The following USF3 variants were observed in gnomAD, a reference collection of about 807,000 sequenced individuals.
The protein encoded by USF3 is basic helix-loop-helix domain-containing protein USF3.
Under a neutral mutation model 157.5 loss-of-function variants are expected in USF3, and 29 were observed. The observed-to-expected ratio is 0.18, with a 90% CI of 0.14 to 0.25. The LOEUF is 0.25. USF3 is among the 10% of genes least tolerant of loss of function. The probability of loss-of-function intolerance (pLI) is 1.00; values close to 1 mark genes in which losing one functional copy is unlikely to be tolerated. For missense variants in USF3, 2,381 were observed against 2,667.6 expected (o/e 0.89, Z 2.37); for synonymous variants, 893 against 941.4 (o/e 0.95, Z 0.94).
In USF3 at chr3:113,658,039, A is replaced by G. The variant is rs764562243; in HGVS notation, c.3643T>C (p.Cys1215Arg). 17 of 1,614,184 alleles carry G rather than the reference A, an allele frequency of 1.1e-5. No individual in the cohort carries two copies. The highest frequency in any genetic ancestry group is 1.4e-5 in the Non-Finnish European group (17 of 1,180,016). Residue 1215 changes from cysteine to arginine, a missense_variant, in exon 7 of 7, where the codon TGT (cysteine) becomes CGT (arginine). By Grantham distance (180) the Cys-to-Arg change is radical. This residue lies in a region of USF3 where 1,435 missense variants were observed against 1,550.9 expected (regional missense o/e 0.93). Coordinates refer to ENST00000316407, the MANE Select transcript of USF3 (RefSeq NM_001009899.4). ...TMERPLEKPS[C>R]SLGIKTSNAS... The stretch of plus-strand genomic sequence containing the variant: ...TTTGATGTTTTAATTCCTAGAGAAC[A>G]ACTTGGTTTCTCAAGGGGCCTCTCC...
At chr3:113,670,368 G>A in intron 4 of USF3, 165 bp from the exon 5 acceptor site, 1 of 596,536 alleles carries the variant, frequency 1.7e-6, no homozygotes, top group South Asian at 2.0e-5. Flanking sequence ...GGAGGCCAAG[G>A]CGGGTGGATC....
chr3:113,695,395 C>T (rs1039951733), intron 1 of USF3, among the ~76,000 whole-genome samples: 1 of 152,204 alleles, frequency 6.6e-6, no homozygotes, highest in Non-Finnish European at 1.5e-5. Flanking sequence ...GCAGGTTTGT[C>T]TGTTTGGTTT....
At chr3:113,679,116 A>G (rs1410488002) in intron 1 of USF3, among the ~76,000 whole-genome samples, 5 of 151,884 alleles carry the variant, frequency 3.3e-5, no homozygotes, top group Middle Eastern at 6.8e-3. Flanking sequence ...GGCTCCATTA[A>G]TATTTTGGCT....
chr3:113,655,925 T>C lies in USF3; in HGVS notation c.5757A>G (p.Lys1919=), dbSNP rs1947348943. The C allele has an allele frequency of 6.2e-7, 1 of 1,614,186 alleles. No homozygotes were observed. Among genetic ancestry groups the C allele is most frequent in the African/African-American group, 1.3e-5 (1 of 75,038 alleles). ...TCTCAGTAATCCTCATGGGATTGGATTTCTGTACAGAAACATTGGGGCTTG... is the reference window on the plus strand; with the variant it reads ...TCTCAGTAATCCTCATGGGATTGGACTTCTGTACAGAAACATTGGGGCTTG... ...RNTSPNVSVQ[K]SNPMRITESH... Residue 1919 remains lysine (K), a synonymous_variant, in exon 7 of 7, where the codon AAA becomes AAG. Transcript: ENST00000316407.
chr3:113,674,176 G>A (rs974705403), intron 3 of USF3, among the ~76,000 whole-genome samples: 2 of 152,112 alleles, frequency 1.3e-5, no homozygotes, highest in African/African-American at 4.8e-5. Context: ...GTCACAGAAT[G>A]TCTATTCACA....
chr3:113,668,151 T>C (rs964581243), intron 5 of USF3, among the ~76,000 whole-genome samples: 1 of 151,848 alleles, frequency 6.6e-6, no homozygotes. Context: ...CACGCACATA[T>C]TCTACACAGC....
rs1559711224 is a variant in USF3 at position 113,660,554 on chromosome 3, G to A, written c.1128C>T (p.Ala376=). The part of the protein sequence containing the change: ...TSTATVVASS[A]PGVGKATIPI... ...GAATGGTGGCCTTCCCTACTCCAGG[G>A]GCAGATGATGCCACCACTGTAGCTG... The change falls in exon 7 of 7, where the codon GCC becomes GCT. Residue 376 remains alanine, a synonymous_variant. Coordinates refer to ENST00000316407, the MANE Select transcript of USF3 (RefSeq NM_001009899.4). The A allele has an allele frequency of 2.5e-6, 4 of 1,614,132 alleles. No homozygotes were observed. Among genetic ancestry groups the A allele is most frequent in the Non-Finnish European group, 3.4e-6 (4 of 1,180,020 alleles).
intron 1 of USF3, among the ~76,000 whole-genome samples, chr3:113,678,545 A>T (rs1707334787): frequency 6.6e-6 from 1 of 152,210 alleles, no homozygotes; most frequent in Non-Finnish European, 1.5e-5. Flanking sequence ...AATTATTTAT[A>T]GGTACAATTT....
At chr3:113,688,585 G>A (rs1204821848) in intron 1 of USF3, among the ~76,000 whole-genome samples, 1 of 152,224 alleles carries the variant, frequency 6.6e-6, no homozygotes, top group Non-Finnish European at 1.5e-5. Context: ...GTATTTGAGT[G>A]TGTTTCATTC....
chr3:113,681,064 C>T (rs1707411047), intron 1 of USF3, among the ~76,000 whole-genome samples: 2 of 151,094 alleles, frequency 1.3e-5, no homozygotes, highest in African/African-American at 2.4e-5. Context: ...GCAACCTGCA[C>T]CTTGCAGGTT....
chr3:113,661,573 ACTT>A, intron 6 of USF3, 148 bp from the exon 7 acceptor site: 1 of 460,248 alleles, frequency 2.2e-6, no homozygotes, highest in Non-Finnish European at 3.7e-6. Flanking sequence ...TTCTAATACA[ACTT>A]CTTTTTTCTT....
intron 5 of USF3, among the ~76,000 whole-genome samples, chr3:113,668,047 C>T (rs1038924838): frequency 3.3e-5 from 5 of 152,242 alleles, no homozygotes; most frequent in South Asian, 2.1e-4. Flanking sequence ...CCAGCCTCTA[C>T]AGAAGATGGA....
chr3:113,649,170 G>C lies in USF3; in HGVS notation c.*5774C>G, dbSNP rs551171857. 1 of 152,166 alleles carries C rather than the reference G, an allele frequency of 6.6e-6. No individual in the cohort carries two copies. The highest frequency in any genetic ancestry group is 2.4e-5 in the African/African-American group (1 of 41,426). 9.4% of individuals were successfully genotyped at this position (152,166 alleles called of 1,614,324 possible). A position where few individuals can be genotyped will look rare whatever the true frequency, so the allele number is the denominator to read the frequency against. On this transcript the variant is annotated 3_prime_UTR_variant, in exon 7 of 7. Transcript: ENST00000316407. ...ACTTTAAGTTCCTATGACATAGTACGGTGTTAGTATGGTGTATAGCTGTAT... is the reference window on the plus strand; with the variant it reads ...ACTTTAAGTTCCTATGACATAGTACCGTGTTAGTATGGTGTATAGCTGTAT...
At chr3:113,668,080 G>C (rs970770177) in intron 5 of USF3, among the ~76,000 whole-genome samples, 20 of 152,080 alleles carry the variant, frequency 1.3e-4, no homozygotes, top group East Asian at 3.9e-4. Flanking sequence ...TTAAAATAGA[G>C]GGGAAGTGGC....
In USF3 at chr3:113,657,508, G is replaced by C; in HGVS notation, c.4174C>G (p.Pro1392Ala). 6.2e-7 allele frequency: 1 copy of C among 1,614,074 alleles called. No individual in the cohort carries two copies. Among genetic ancestry groups the C allele is most frequent in the Non-Finnish European group, 8.5e-7 (1 of 1,180,018 alleles). Residue 1392 changes from proline (P) to alanine (A), a missense_variant, in exon 7 of 7, where the codon CCA (proline) becomes GCA (alanine). Coordinates refer to ENST00000316407, the MANE Select transcript of USF3 (RefSeq NM_001009899.4). Reference sequence around the variant, plus strand: ...CGTGTAAGGCCATCTCCATGAGCTGGGTTGCTAACAGGCACAACTGAGTTT... The same window carrying C: ...CGTGTAAGGCCATCTCCATGAGCTGCGTTGCTAACAGGCACAACTGAGTTT... The part of the protein sequence containing the change: ...SSNSVVPVSN[P>A]AHGDGLTRLF...
chr3:113,657,508 G>A lies in USF3; in HGVS notation c.4174C>T (p.Pro1392Ser), dbSNP rs1559706759. ...SSNSVVPVSN[P>S]AHGDGLTRLF... ...CGTGTAAGGCCATCTCCATGAGCTG[G>A]GTTGCTAACAGGCACAACTGAGTTT... is the stretch of plus-strand genomic sequence containing the variant. Residue 1392 changes from proline (P) to serine (S), a missense_variant, in exon 7 of 7, where the codon CCA becomes TCA. Physicochemically the swap from Pro to Ser is moderately conservative, Grantham distance 74. This residue lies in a region of USF3 where 1,435 missense variants were observed against 1,550.9 expected (regional missense o/e 0.93). Transcript: ENST00000316407. The A allele has an allele frequency of 6.2e-7, 1 of 1,614,074 alleles. No homozygotes were observed. Among genetic ancestry groups the A allele is most frequent in the East Asian group, 2.2e-5 (1 of 44,880 alleles).
intron 1 of USF3, among the ~76,000 whole-genome samples, chr3:113,683,678 A>G (rs1259066378): frequency 6.6e-6 from 1 of 152,078 alleles, no homozygotes; most frequent in Non-Finnish European, 1.5e-5. Context: ...CATGTTGGCC[A>G]GGATGGTCTT....
Position 113,658,515 on chromosome 3 carries a change from T to C in USF3, c.3167A>G (p.Asn1056Ser), listed in dbSNP as rs1409381195. 4.3e-6 allele frequency: 7 copies of C among 1,614,020 alleles called. No homozygotes were observed. Among genetic ancestry groups the C allele is most frequent in the Admixed American group, 3.3e-5 (2 of 59,996 alleles). ...HPKQELLLMNNDDRDPPQHHS... is the reference protein window; with the variant it reads ...HPKQELLLMNSDDRDPPQHHS... ...ATGCTGTGGAGGATCTCTATCATCA[T>C]TGTTCATCAGTAATAGTTCCTGTTT... Residue 1056 changes from asparagine (N) to serine (S), a missense_variant, in exon 7 of 7, where the codon AAT becomes AGT. Around this residue, in one of 6 missense-constraint regions of USF3, gnomAD observed 1,435 missense variants for 1,550.9 expected, o/e 0.93. Coordinates refer to ENST00000316407, the MANE Select transcript of USF3 (RefSeq NM_001009899.4).
chr3:113,686,976 G>C (rs549747719), intron 1 of USF3, among the ~76,000 whole-genome samples: 1 of 152,096 alleles, frequency 6.6e-6, no homozygotes, highest in East Asian at 1.9e-4. Context: ...TAGCCCACAC[G>C]CAAAGCGAGA....
Sources: gnomAD v4.1 joint callset for allele counts (sites outside exome capture counted in the v4.1 genomes callset) on GRCh38, gnomAD v4.1.1 for gene constraint, gnomAD v4.1.1 regional missense constraint, MANE v1.5 for transcripts, NCBI Gene and HGNC (gene_info 2026-07-23, HGNC 2026-07-21) for gene names.